Variants in CPN1 observed in about 807,000 individuals in gnomAD.
CPN1 encodes carboxypeptidase N subunit 1.
CPN1 carries 37 observed loss-of-function variants against 46.4 expected under a neutral mutation model. The ratio of observed to expected loss-of-function variants is 0.80; its 90% CI spans 0.61 to 1.05. CPN1 has a LOEUF of 1.05. CPN1 is among the 50% of genes least tolerant of loss of function. The probability of loss-of-function intolerance (pLI) is 0.00; values close to 1 mark genes in which losing one functional copy is unlikely to be tolerated. For missense variants in CPN1, 563 were observed against 602.6 expected (o/e 0.93, Z 0.69); for synonymous variants, 224 against 235.4 (o/e 0.95, Z 0.44).
intron 6 of CPN1, among the ~76,000 whole-genome samples, chr10:100,056,353 C>T (rs2041384347): frequency 6.6e-6 from 1 of 152,140 alleles, no homozygotes; most frequent in Non-Finnish European, 1.5e-5. Context: ...CTGTCCCTCA[C>T]CTCCTTGAAA....
intron 2 of CPN1, among the ~76,000 whole-genome samples, chr10:100,074,885 G>C (rs2041505361): frequency 6.6e-6 from 1 of 152,144 alleles, no homozygotes; most frequent in Non-Finnish European, 1.5e-5. Context: ...CCACAGAAGA[G>C]AACCATTGAT....
At chr10:100,063,263 G>A (rs2041431035) in intron 5 of CPN1, among the ~76,000 whole-genome samples, 1 of 152,064 alleles carries the variant, frequency 6.6e-6, no homozygotes, top group Non-Finnish European at 1.5e-5. Flanking sequence ...TGGGACTACA[G>A]GCGCCCGCCA....
chr10:100,065,340 A>G lies in CPN1; in HGVS notation c.607T>C (p.Trp203Arg). The G allele has an allele frequency of 6.2e-7, 1 of 1,614,106 alleles. No individual in the cohort carries two copies. Among genetic ancestry groups the G allele is most frequent in the Non-Finnish European group, 8.5e-7 (1 of 1,180,018 alleles). Residue 203 changes from tryptophan to arginine, a missense_variant, in exon 4 of 9, where the codon TGG becomes CGG. Trp to Arg is a moderately radical substitution (Grantham distance 101). Coordinates refer to ENST00000370418, the MANE Select transcript of CPN1 (RefSeq NM_001308.3). Reference sequence around the variant, plus strand: ...AGAACAAAGTTGAAGGAGTGCATCCACCGGATCACCGCCCGGGTCTCGGGT... The same window carrying G: ...AGAACAAAGTTGAAGGAGTGCATCCGCCGGATCACCGCCCGGGTCTCGGGT... Reference protein sequence around the residue: ...VEPETRAVIRWMHSFNFVLSA... With the variant: ...VEPETRAVIRRMHSFNFVLSA...
intron 7 of CPN1, among the ~76,000 whole-genome samples, chr10:100,053,017 C>A (rs189689302): frequency 4.6e-5 from 7 of 152,126 alleles, no homozygotes; most frequent in East Asian, 1.9e-4. Context: ...ATGATTCCTA[C>A]GACTCAGAAA....
At chr10:100,056,931 C>T (rs1328212352) in intron 6 of CPN1, 82 bp downstream of exon 6, 1 of 1,576,418 alleles carries the variant, frequency 6.3e-7, no homozygotes. Flanking sequence ...AAAAGTCAGA[C>T]CTGAACCAGT....
chr10:100,049,904 A>C (rs763185014), intron 7 of CPN1, among the ~76,000 whole-genome samples: 6 of 152,238 alleles, frequency 3.9e-5, no homozygotes, highest in Non-Finnish European at 8.8e-5. Context: ...GAAAGGTTGA[A>C]AGGTCTGTGA....
intron 8 of CPN1, among the ~76,000 whole-genome samples, chr10:100,042,848 C>CT (rs113331420): frequency 0.63 from 95,506 of 151,668 alleles, 31,920 homozygotes; most frequent in African/African-American, 0.87. Flanking sequence ...AATCCCAGCA[C>CT]TTGGGAGGCT....
intron 5 of CPN1, among the ~76,000 whole-genome samples, chr10:100,063,090 A>G (rs2041430012): frequency 6.6e-6 from 1 of 152,002 alleles, no homozygotes; most frequent in Non-Finnish European, 1.5e-5. Flanking sequence ...TTACAGGACC[A>G]AAAGGTGTCC....
intron 2 of CPN1, 103 bp downstream of exon 2, chr10:100,075,808 A>G: frequency 8.3e-7 from 1 of 1,204,972 alleles, no homozygotes. Context: ...TACTTTTAAC[A>G]TTTGTGATAT....
chr10:100,080,352 T>C (rs1380031829), intron 1 of CPN1, among the ~76,000 whole-genome samples: 3 of 151,990 alleles, frequency 2.0e-5, no homozygotes, highest in African/African-American at 4.8e-5. Context: ...TCTGCACTTA[T>C]AGACATGGAT....
intron 3 of CPN1, among the ~76,000 whole-genome samples, chr10:100,066,598 A>G (rs1032908527): frequency 2.0e-5 from 3 of 152,222 alleles, no homozygotes; most frequent in South Asian, 4.1e-4. Context: ...GTGAGTGACA[A>G]TATTCCAAAG....
chr10:100,081,434 C>A lies in CPN1; in HGVS notation c.192G>T (p.Glu64Asp). The A allele has an allele frequency of 6.2e-7, 1 of 1,613,528 alleles. No homozygotes were observed. The highest frequency in any genetic ancestry group is 8.5e-7 in the Non-Finnish European group (1 of 1,180,024). Residue 64 changes from glutamate to aspartate, a missense_variant, in exon 1 of 9, where the codon GAG becomes GAT. By Grantham distance (45) the Glu-to-Asp change is conservative. Coordinates refer to ENST00000370418, the MANE Select transcript of CPN1 (RefSeq NM_001308.3). ...SVEGRHLYVL[E>D]FSDHPGIHEP... ...CGTGGATTCCAGGGTGGTCGCTGAA[C>A]TCCAGCACGTAGAGGTGTCTCCCCT...
intron 2 of CPN1, among the ~76,000 whole-genome samples, chr10:100,072,215 G>A (rs547734918): frequency 1.3e-5 from 2 of 152,162 alleles, no homozygotes; most frequent in Admixed American, 1.3e-4. Context: ...TCACTCTGTT[G>A]CCTAGGCTGG....
chr10:100,063,747 A>G, intron 4 of CPN1, 22 bp from the exon 5 acceptor site: 2 of 1,582,316 alleles, frequency 1.3e-6, no homozygotes, highest in South Asian at 2.2e-5. Context: ...GCAGGAGGAA[A>G]ACGACCTTGA....
Position 100,042,567 on chromosome 10 carries a change from A to C in CPN1, c.1237T>G (p.Phe413Val). 1 of 1,613,898 alleles carries C rather than the reference A, an allele frequency of 6.2e-7. No individual in the cohort carries two copies. The highest frequency in any genetic ancestry group is 8.5e-7 in the Non-Finnish European group (1 of 1,179,972). The change falls in exon 9 of 9, where the codon TTC (phenylalanine) becomes GTC (valine). Residue 413 changes from phenylalanine (F) to valine (V), a missense_variant. Phe to Val is a conservative substitution (Grantham distance 50, BLOSUM62 -1). Coordinates refer to ENST00000370418, the MANE Select transcript of CPN1 (RefSeq NM_001308.3). ...TGAGGGATGCTTCTTTTGAGGTGGA[A>C]GTTAACCTGGAAGAAAAAAAGCAGG... Reference protein sequence around the residue: ...VGPAEPTLVNFHLKRSIPQVS... With the variant: ...VGPAEPTLVNVHLKRSIPQVS...
chr10:100,048,728 C>T lies in CPN1; in HGVS notation c.1230+30G>A, dbSNP rs1409648463. 9 of 1,445,350 alleles carry T rather than the reference C, an allele frequency of 6.2e-6. No individual in the cohort carries two copies. In the Admixed American group the frequency reaches 1.2e-4, roughly 19 times the overall value. 89.5% of individuals were successfully genotyped at this position (1,445,350 alleles called of 1,614,324 possible). On this transcript the variant is annotated intron_variant, in intron 8 of 8. Transcript: ENST00000370418. ...AAAAAGACTGTATAAGTGATCTCTA[C>T]AGTGCACCGTCAAGCTCAGCCTAAC...
chr10:100,042,815 T>C (rs2041284411), intron 8 of CPN1, among the ~76,000 whole-genome samples: 2 of 143,428 alleles, frequency 1.4e-5, no homozygotes, highest in South Asian at 4.4e-4. Context: ...AAAGATGGGC[T>C]GGGTGTGGTG....
chr10:100,056,893 G>T, intron 6 of CPN1, 120 bp downstream of exon 6: 1 of 1,206,876 alleles, frequency 8.3e-7, no homozygotes, highest in Non-Finnish European at 1.2e-6. Flanking sequence ...GGAAGAAGAC[G>T]CCCAGATCTA....
intron 3 of CPN1, 160 bp from the exon 4 acceptor site, chr10:100,065,530 G>C (rs1589476285): frequency 1.3e-6 from 1 of 747,090 alleles, no homozygotes; most frequent in East Asian, 2.7e-5. Context: ...GGGAAATGTT[G>C]ACCTTTGGAA....
Sources: allele counts gnomAD v4.1 joint callset (sites outside exome capture counted in the v4.1 genomes callset), GRCh38; gene constraint gnomAD v4.1.1; transcripts MANE v1.5; gene names NCBI Gene and HGNC (gene_info 2026-07-23, HGNC 2026-07-21).